ELOVL7: variants seen among roughly 807,000 people sequenced by gnomAD.
ELOVL7 encodes the protein very long chain fatty acid elongase 7.
In ELOVL7, 27 loss-of-function variants were observed where a neutral mutation model predicts 35.7. That is an observed-to-expected ratio of 0.76 (90% CI 0.56 to 1.04). The LOEUF (loss-of-function observed/expected upper bound fraction) is 1.04, where lower values mean the gene tolerates loss of function less well. Ranked by LOEUF, ELOVL7 falls within the 50% of genes least tolerant of loss-of-function variation. The probability of loss-of-function intolerance (pLI) is 0.00; values close to 1 mark genes in which losing one functional copy is unlikely to be tolerated. For synonymous variants in ELOVL7, 113 were observed against 114.6 expected, an observed-to-expected ratio of 0.99 and a Z score of 0.09; for missense variants, 327 against 340.8, an observed-to-expected ratio of 0.96 and a Z score of 0.32.
intron 5 of ELOVL7, among the ~76,000 whole-genome samples, 174 bp from the exon 6 acceptor site, chr5:60,766,804 T>C (rs569521888): frequency 1.8e-3 from 277 of 152,320 alleles, no homozygotes; most frequent in African/African-American, 6.4e-3. Flanking sequence ...CCACCATCCA[T>C]CCATAGAACT....
intron 7 of ELOVL7, among the ~76,000 whole-genome samples, chr5:60,762,299 CAAAA>C (rs3030130): frequency 4.3e-4 from 34 of 79,528 alleles, no homozygotes; most frequent in South Asian, 1.6e-3. Context: ...AACTCTGCCT[CAAAA>C]AAAAAAAAAA....
At chr5:60,807,411 T>C (rs1744993019) in intron 1 of ELOVL7, among the ~76,000 whole-genome samples, 1 of 151,596 alleles carries the variant, frequency 6.6e-6, no homozygotes. Context: ...CTCAAACTAT[T>C]GCTCAGTGAG....
chr5:60,823,659 A>G (rs1358422263), intron 1 of ELOVL7, among the ~76,000 whole-genome samples: 6 of 152,200 alleles, frequency 3.9e-5, no homozygotes, highest in African/African-American at 1.2e-4. Context: ...GAGATTAGTG[A>G]AAGAATAGAA....
At chr5:60,841,725 C>T (rs941488138) in intron 1 of ELOVL7, among the ~76,000 whole-genome samples, 3 of 152,110 alleles carry the variant, frequency 2.0e-5, no homozygotes, top group Non-Finnish European at 2.9e-5. Context: ...GTATGTGCTA[C>T]GTTTTTCAAT....
intron 1 of ELOVL7, among the ~76,000 whole-genome samples, chr5:60,832,908 A>G (rs1487391849): frequency 1.3e-5 from 2 of 152,136 alleles, no homozygotes; most frequent in East Asian, 3.8e-4. Flanking sequence ...TTTTTCTTTG[A>G]CACCTTTACT....
intron 1 of ELOVL7, among the ~76,000 whole-genome samples, chr5:60,841,863 T>A (rs1415872593): frequency 6.6e-6 from 1 of 152,248 alleles, no homozygotes; most frequent in Non-Finnish European, 1.5e-5. Context: ...GCTGGGTACC[T>A]GTTTGTGACA....
chr5:60,755,906 T>A (rs1409851877), intron 8 of ELOVL7, among the ~76,000 whole-genome samples: 3 of 152,206 alleles, frequency 2.0e-5, no homozygotes, highest in African/African-American at 7.2e-5. Context: ...CAACAATTAC[T>A]CACAATCTGT....
intron 3 of ELOVL7, among the ~76,000 whole-genome samples, chr5:60,778,628 A>ATAGT (rs1251355684): frequency 6.6e-6 from 1 of 152,206 alleles, no homozygotes; most frequent in African/African-American, 2.4e-5. Context: ...ATCTCCCACT[A>ATAGT]GGTCCCTCCA....
chr5:60,794,577 T>G (rs1744133471), intron 2 of ELOVL7, among the ~76,000 whole-genome samples: 1 of 152,216 alleles, frequency 6.6e-6, no homozygotes, highest in South Asian at 2.1e-4. Context: ...GACTTTCAAA[T>G]GTAGAGATTT....
At chr5:60,827,422 A>G (rs957259131) in intron 1 of ELOVL7, among the ~76,000 whole-genome samples, 2 of 152,318 alleles carry the variant, frequency 1.3e-5, no homozygotes, top group African/African-American at 2.4e-5. Flanking sequence ...AACTAAAACA[A>G]TGACTACCCT....
intron 1 of ELOVL7, among the ~76,000 whole-genome samples, chr5:60,833,699 T>C (rs993071615): frequency 1.3e-5 from 2 of 152,194 alleles, no homozygotes; most frequent in Non-Finnish European, 2.9e-5. Context: ...GTGCTATCAC[T>C]AATCATGTGA....
rs995017726 is a variant in ELOVL7, at chr5:60,755,755, G to A, written c.637-922C>T. Among the ~76,000 whole-genome samples, 66 of 152,128 alleles carry A rather than the reference G, an allele frequency of 4.3e-4. 1 individual carries two copies. The highest frequency in any genetic ancestry group is 3.3e-3 in the Admixed American group (51 of 15,274). ...CTAGTAGTGCTCAAGGGCTCTGTGGGGCAGAACATCTTACACAGTCCCAAG... is the reference window on the plus strand; with the variant it reads ...CTAGTAGTGCTCAAGGGCTCTGTGGAGCAGAACATCTTACACAGTCCCAAG... On this transcript the variant is annotated intron_variant, in intron 8 of 8. Coordinates refer to ENST00000508821, the MANE Select transcript of ELOVL7 (RefSeq NM_024930.3).
At chr5:60,824,319 CAAGT>C (rs1369210842) in intron 1 of ELOVL7, among the ~76,000 whole-genome samples, 1 of 152,146 alleles carries the variant, frequency 6.6e-6, no homozygotes, top group Non-Finnish European at 1.5e-5. Flanking sequence ...AGGCCGCTCA[CAAGT>C]CGGCATTTGA....
chr5:60,834,171 T>A lies in ELOVL7; in HGVS notation c.-86+9989A>T, dbSNP rs182014950. On this transcript the variant is annotated intron_variant, in intron 1 of 8. Transcript: ENST00000508821. Reference sequence around the variant, plus strand: ...TATTTTTTTTTTTTGAGACGGAGTCTCGCTCTGTCGCCCAGGCTGGAGTGC... The same window carrying A: ...TATTTTTTTTTTTTGAGACGGAGTCACGCTCTGTCGCCCAGGCTGGAGTGC... Among the ~76,000 whole-genome samples, 523 of 152,252 alleles carry A rather than the reference T, an allele frequency of 3.4e-3. 4 individuals carry two copies. The highest frequency in any genetic ancestry group is 0.012 in the African/African-American group (506 of 41,552).
chr5:60,814,611 C>T (rs1472759351), intron 1 of ELOVL7, among the ~76,000 whole-genome samples: 1 of 152,144 alleles, frequency 6.6e-6, no homozygotes, highest in Non-Finnish European at 1.5e-5. Context: ...CCTAGCAGCT[C>T]TTATCAGAGA....
chr5:60,823,589 G>A (rs1235282489), intron 1 of ELOVL7, among the ~76,000 whole-genome samples: 1 of 152,200 alleles, frequency 6.6e-6, no homozygotes, highest in East Asian at 1.9e-4. Context: ...TTTCTAGCAA[G>A]TAGGAAGTGG....
rs748522826 is a variant in ELOVL7 at position 60,772,079 on chromosome 5, C to A, written c.79G>T (p.Asp27Tyr). Residue 27 changes from aspartate (D) to tyrosine (Y), a missense_variant, in exon 4 of 9, where the codon GAT becomes TAT. Coordinates refer to ENST00000508821, the MANE Select transcript of ELOVL7 (RefSeq NM_024930.3). ...WIKDADPRVE[D>Y]WLLMSSPLPQ... ...AGAGGCGAGGACATGAGGAGCCAAT[C>A]TTCAACTCTTGGATCTAAGAGAAAA... 1.9e-6 allele frequency: 3 copies of A among 1,607,756 alleles called. No homozygotes were observed. In the South Asian group the frequency reaches 3.3e-5, roughly 18 times the overall value.
At chr5:60,793,979 T>TA (rs1744093785) in intron 2 of ELOVL7, among the ~76,000 whole-genome samples, 1 of 151,942 alleles carries the variant, frequency 6.6e-6, no homozygotes, top group Non-Finnish European at 1.5e-5. Context: ...ACCCCTCCAT[T>TA]AAGGGTGGAA....
intron 2 of ELOVL7, among the ~76,000 whole-genome samples, chr5:60,790,659 A>T (rs1743882998): frequency 6.6e-6 from 1 of 152,072 alleles, no homozygotes; most frequent in Non-Finnish European, 1.5e-5. Context: ...ATCATCTCTC[A>T]TCTCTATAGC....
Sources: gnomAD v4.1 joint callset for allele counts (sites outside exome capture counted in the v4.1 genomes callset) on GRCh38, gnomAD v4.1.1 for gene constraint, MANE v1.5 for transcripts, NCBI Gene and HGNC (gene_info 2026-07-23, HGNC 2026-07-21) for gene names.